The following TECTB variants were observed in gnomAD, a reference collection of about 807,000 sequenced individuals.
The protein encoded by TECTB is tectorin beta.
Under a neutral mutation model 43.3 loss-of-function variants are expected in TECTB, and 45 were observed. The observed-to-expected ratio is 1.04, with a 90% CI of 0.82 to 1.33. The LOEUF (loss-of-function observed/expected upper bound fraction) is 1.33, where lower values mean the gene tolerates loss of function less well. Ranked by LOEUF, TECTB falls within the 40% of genes most tolerant of loss-of-function variation. TECTB has a pLI of 0.00. For missense variants in TECTB, 399 were observed against 404.7 expected (o/e 0.99, Z 0.12); for synonymous variants, 169 against 156.7 (o/e 1.08, Z -0.59).
chr10:112,295,706 G>C (rs1343012649), intron 7 of TECTB, among the ~76,000 whole-genome samples: 1 of 152,244 alleles, frequency 6.6e-6, no homozygotes, highest in Non-Finnish European at 1.5e-5. Flanking sequence ...GCAGGGACCA[G>C]AAATTGCTAT....
Position 112,303,262 on chromosome 10 carries a change from G to T in TECTB, c.941-1G>T. 1.2e-6 allele frequency: 2 copies of T among 1,614,108 alleles called. No individual in the cohort carries two copies. The highest frequency in any genetic ancestry group is 1.7e-6 in the Non-Finnish European group (2 of 1,179,996). ...CATCTCCCTCCCCTTCTGGTCCACA[G>T]ATGTTCTCCACCACCTCATCATGAT... On this transcript the variant is annotated splice_acceptor_variant, in intron 10 of 10. Coordinates refer to ENST00000646139, the MANE Select transcript of TECTB (RefSeq NM_058222.3). LOFTEE classifies it high-confidence loss of function.
intron 2 of TECTB, among the ~76,000 whole-genome samples, chr10:112,284,186 A>C (rs1421744055): frequency 6.6e-6 from 1 of 152,302 alleles, no homozygotes; most frequent in Non-Finnish European, 1.5e-5. Context: ...GACATTTAAA[A>C]TGTTTAAATT....
intron 5 of TECTB, among the ~76,000 whole-genome samples, chr10:112,288,578 C>A (rs1451425761): frequency 1.3e-5 from 2 of 152,122 alleles, no homozygotes; most frequent in Non-Finnish European, 2.9e-5. Flanking sequence ...TATGCCTGAC[C>A]CATGTGGTTG....
chr10:112,287,012 G>T lies in TECTB; in HGVS notation c.483+621G>T, dbSNP rs182462066. 5.3e-5 allele frequency among the ~76,000 whole-genome samples: 8 copies of T among 152,298 alleles called. No homozygotes were observed. In the East Asian group the frequency reaches 1.5e-3, roughly 29 times the overall value. The stretch of plus-strand genomic sequence containing the variant: ...TTACAGATGAGAAAACTGAGGCAAG[G>T]TCAACAGACAATAAGACAGCCAATG... On this transcript the variant is annotated intron_variant, in intron 5 of 10. Coordinates refer to ENST00000646139, the MANE Select transcript of TECTB (RefSeq NM_058222.3).
At chr10:112,286,470 A>G in intron 5 of TECTB, 79 bp downstream of exon 5, 3 of 1,458,746 alleles carry the variant, frequency 2.1e-6, no homozygotes, top group South Asian at 1.3e-5. Flanking sequence ...CTCGGGATTC[A>G]GTCTTCCCCA....
Position 112,303,279 on chromosome 10 carries a change from C to T in TECTB, c.957C>T (p.Leu319=), listed in dbSNP as rs759084362. The T allele has an allele frequency of 6.2e-7, 1 of 1,614,176 alleles. No homozygotes were observed. The change falls in exon 11 of 11, where the codon CTC becomes CTT. Residue 319 remains leucine, a synonymous_variant. Transcript: ENST00000646139. ...GGTCCACAGATGTTCTCCACCACCT[C>T]ATCATGATGTTGGGGATTTGTGCCG... The part of the protein sequence containing the change: ...LYSFSDVLHH[L]IMMLGICAVL
intron 5 of TECTB, among the ~76,000 whole-genome samples, chr10:112,286,626 T>C (rs1325047879): frequency 6.6e-6 from 1 of 152,162 alleles, no homozygotes; most frequent in Non-Finnish European, 1.5e-5. Flanking sequence ...TAAGCTATAA[T>C]ACCAACCTTC....
intron 5 of TECTB, among the ~76,000 whole-genome samples, chr10:112,293,514 C>T (rs1328320362): frequency 6.6e-6 from 1 of 152,114 alleles, no homozygotes; most frequent in African/African-American, 2.4e-5. Flanking sequence ...CTATAATGAG[C>T]AAATCTAGAA....
At chr10:112,292,540 T>A (rs924537923) in intron 5 of TECTB, among the ~76,000 whole-genome samples, 1 of 152,072 alleles carries the variant, frequency 6.6e-6, no homozygotes, top group Non-Finnish European at 1.5e-5. Flanking sequence ...GTTCAAGAGA[T>A]CTTCCTGCCT....
chr10:112,290,481 C>T (rs980602615), intron 5 of TECTB, among the ~76,000 whole-genome samples: 41 of 152,290 alleles, frequency 2.7e-4, no homozygotes, highest in African/African-American at 5.1e-4. Flanking sequence ...ACTGAATTAA[C>T]GGTGTCAGCT....
At chr10:112,299,289 T>C (rs948300173) in intron 8 of TECTB, among the ~76,000 whole-genome samples, 3 of 152,230 alleles carry the variant, frequency 2.0e-5, no homozygotes, top group African/African-American at 7.2e-5. Context: ...GCTTTCTCTT[T>C]GTATTCAAGT....
At chr10:112,295,536 C>A (rs571701863) in intron 7 of TECTB, among the ~76,000 whole-genome samples, 14 of 152,282 alleles carry the variant, frequency 9.2e-5, no homozygotes, top group African/African-American at 3.4e-4. Flanking sequence ...ACAGGCTGGC[C>A]GAGGCACACC....
intron 3 of TECTB, among the ~76,000 whole-genome samples, chr10:112,285,186 T>C (rs1399763330): frequency 6.6e-6 from 1 of 152,158 alleles, no homozygotes; most frequent in Non-Finnish European, 1.5e-5. Flanking sequence ...TGGGATATCA[T>C]AAGATAATTA....
At chr10:112,290,127 T>A (rs968086834) in intron 5 of TECTB, among the ~76,000 whole-genome samples, 26 of 152,208 alleles carry the variant, frequency 1.7e-4, no homozygotes, top group African/African-American at 6.3e-4. Context: ...AGTAGCATGA[T>A]GAAATCTTGC....
chr10:112,301,120 T>C (rs1050452720), intron 9 of TECTB, among the ~76,000 whole-genome samples: 2 of 152,230 alleles, frequency 1.3e-5, no homozygotes, highest in African/African-American at 4.8e-5. Flanking sequence ...TCGTGACATG[T>C]AGAAATTACG....
At chr10:112,295,274 CTA>C (rs1848535263) in intron 7 of TECTB, among the ~76,000 whole-genome samples, 1 of 152,198 alleles carries the variant, frequency 6.6e-6, no homozygotes, top group South Asian at 2.1e-4. Flanking sequence ...TTTTGGACCT[CTA>C]TTTTTATTTA....
chr10:112,285,399 A>T (rs1848445527), intron 3 of TECTB, among the ~76,000 whole-genome samples: 1 of 152,182 alleles, frequency 6.6e-6, no homozygotes, highest in African/African-American at 2.4e-5. Flanking sequence ...ATCTCAGAGC[A>T]TGAGAGCAAA....
At chr10:112,287,321 T>A (rs958224242) in intron 5 of TECTB, among the ~76,000 whole-genome samples, 3 of 152,344 alleles carry the variant, frequency 2.0e-5, no homozygotes, top group African/African-American at 7.2e-5. Flanking sequence ...AAACTAAATA[T>A]GCAATGGCCA....
At chr10:112,290,005 A>T (rs1848484860) in intron 5 of TECTB, among the ~76,000 whole-genome samples, 1 of 152,184 alleles carries the variant, frequency 6.6e-6, no homozygotes, top group Non-Finnish European at 1.5e-5. Context: ...TCTTACCCAC[A>T]GTTTTGCTTT....
Sources: allele counts gnomAD v4.1 joint callset (sites outside exome capture counted in the v4.1 genomes callset), GRCh38; gene constraint gnomAD v4.1.1; transcripts MANE v1.5; gene names NCBI Gene and HGNC (gene_info 2026-07-23, HGNC 2026-07-21).